Variants in PTPDC1 observed in about 807,000 individuals in gnomAD.
PTPDC1 encodes protein tyrosine phosphatase domain containing 1.
In PTPDC1, 53 loss-of-function variants were observed where a neutral mutation model predicts 75.3. The observed-to-expected ratio is 0.70, with a 90% CI of 0.56 to 0.88. The LOEUF (loss-of-function observed/expected upper bound fraction) is 0.88. PTPDC1 is among the 40% of genes least tolerant of loss of function. The probability of loss-of-function intolerance (pLI) is 0.00; values close to 1 mark genes in which losing one functional copy is unlikely to be tolerated. For missense variants in PTPDC1, 925 were observed against 998.6 expected (o/e 0.93, Z 0.99); for synonymous variants, 349 against 366.2 (o/e 0.95, Z 0.54).
upstream of PTPDC1, among the ~76,000 whole-genome samples, chr9:94,082,078 T>G (rs1425660143): frequency 6.6e-6 from 1 of 152,124 alleles, no homozygotes; most frequent in Non-Finnish European, 1.5e-5. Context: ...AAAATTTGAG[T>G]GCAGCCTAAG....
At chr9:94,105,773 C>A (rs1233882259) in intron 8 of PTPDC1, among the ~76,000 whole-genome samples, 1 of 151,572 alleles carries the variant, frequency 6.6e-6, no homozygotes, top group East Asian at 1.9e-4. Flanking sequence ...TCAAGACCAT[C>A]CTGGATAACA....
In PTPDC1 at chr9:94,084,674, C is replaced by G; in HGVS notation, c.144C>G (p.Ala48=). The change falls in exon 1 of 9, where the codon GCC becomes GCG. Residue 48 remains alanine (A), a synonymous_variant. Transcript: ENST00000620992. ...GCTCTGGCTTGGGCTCCGGCTCTGCCACGAAGCTGCTGTCCTCGTCCTCTC... is the reference window on the plus strand; with the variant it reads ...GCTCTGGCTTGGGCTCCGGCTCTGCGACGAAGCTGCTGTCCTCGTCCTCTC... ...RRGSGLGSGS[A]TKLLSSSSLQ... 6.2e-7 allele frequency: 1 copy of G among 1,613,804 alleles called. No individual in the cohort carries two copies. Among genetic ancestry groups the G allele is most frequent in the Non-Finnish European group, 8.5e-7 (1 of 1,179,856 alleles).
At chr9:94,091,129 G>A (rs1827300573) in intron 4 of PTPDC1, among the ~76,000 whole-genome samples, 1 of 151,372 alleles carries the variant, frequency 6.6e-6, no homozygotes, top group African/African-American at 2.4e-5. Context: ...TTGAATAGGA[G>A]TGGTGAGAGA....
intron 1 of PTPDC1, among the ~76,000 whole-genome samples, chr9:94,044,875 G>T (rs1222886494): frequency 6.6e-6 from 1 of 151,506 alleles, no homozygotes; most frequent in Non-Finnish European, 1.5e-5. Context: ...TAAGTTTTAG[G>T]GTACATGTGC....
chr9:94,042,068 C>A (rs1825440887), intron 1 of PTPDC1, among the ~76,000 whole-genome samples: 1 of 152,180 alleles, frequency 6.6e-6, no homozygotes, highest in African/African-American at 2.4e-5. Flanking sequence ...ACAGTTTATT[C>A]TAACCTTTCC....
intron 1 of PTPDC1, chr9:94,038,049 G>A (rs1825324969): frequency 6.0e-6 from 3 of 495,880 alleles, no homozygotes; most frequent in South Asian, 5.8e-5. Context: ...GTTGAGAAGG[G>A]CAAGAAGATT....
In PTPDC1 at chr9:94,098,712, G is replaced by A. The variant is rs1165892937; in HGVS notation, c.2013+133G>A. ...GTTTGCATAATACTTTCTAACTTCA[G>A]GTTTCTCGTCTCTGATGCGAACCTG... On this transcript the variant is annotated intron_variant, in intron 6 of 8. Transcript: ENST00000620992. The A allele has an allele frequency of 8.7e-6, 7 of 803,050 alleles. No individual in the cohort carries two copies. The Admixed American group carries it at 9.7e-5, about 11-fold the overall frequency. The allele number at this position is 803,050 out of a possible 1,614,324, so 49.7% of individuals were successfully genotyped here. A position where few individuals can be genotyped will look rare whatever the true frequency, so the allele number is the denominator to read the frequency against.
At chr9:94,033,290 T>G (rs1297354386) in intron 1 of PTPDC1, among the ~76,000 whole-genome samples, 1 of 152,214 alleles carries the variant, frequency 6.6e-6, no homozygotes, top group Non-Finnish European at 1.5e-5. Flanking sequence ...TTTATATAAG[T>G]TACTTATATA....
At chr9:94,040,427 T>C (rs1396275516) in intron 1 of PTPDC1, among the ~76,000 whole-genome samples, 2 of 152,190 alleles carry the variant, frequency 1.3e-5, no homozygotes, top group African/African-American at 4.8e-5. Flanking sequence ...GAAGCTTTTA[T>C]CCACCCTGTG....
Position 94,088,195 on chromosome 9 carries a change from G to A in PTPDC1, c.548G>A (p.Ser183Asn). The change falls in exon 4 of 9, where the codon AGC becomes AAC. Residue 183 changes from serine to asparagine, a missense_variant. Ser to Asn is a conservative substitution (Grantham distance 46). Coordinates refer to ENST00000620992, the MANE Select transcript of PTPDC1 (RefSeq NM_001253829.2). ...CTCCAGCGCCCTGGTGAGCATGCTA[G>A]CTGTGGGAACCCTCTGGAACAAGAA... is the stretch of plus-strand genomic sequence containing the variant. ...INLQRPGEHA[S>N]CGNPLEQESG... 1 of 1,613,950 alleles carries A rather than the reference G, an allele frequency of 6.2e-7. No individual in the cohort carries two copies. Among genetic ancestry groups the A allele is most frequent in the Non-Finnish European group, 8.5e-7 (1 of 1,179,960 alleles).
At chr9:94,102,739 C>T (rs377255960) in intron 7 of PTPDC1, among the ~76,000 whole-genome samples, 2 of 152,016 alleles carry the variant, frequency 1.3e-5, no homozygotes, top group African/African-American at 2.4e-5. Flanking sequence ...CCACCACGCC[C>T]GGCTAATTTT....
At chr9:94,062,537 G>C (rs999752213) in intron 1 of PTPDC1, among the ~76,000 whole-genome samples, 3 of 152,192 alleles carry the variant, frequency 2.0e-5, no homozygotes, top group African/African-American at 7.2e-5. Flanking sequence ...ATTGCCTCAT[G>C]GTTCTGCAGG....
At chr9:94,041,187 C>T (rs1469990272) in intron 1 of PTPDC1, among the ~76,000 whole-genome samples, 1 of 152,124 alleles carries the variant, frequency 6.6e-6, no homozygotes, top group Non-Finnish European at 1.5e-5. Flanking sequence ...TTCCTTTGAG[C>T]AAAAGCTCTT....
At chr9:94,049,833 C>T (rs2094928) in intron 1 of PTPDC1, among the ~76,000 whole-genome samples, 46,671 of 152,100 alleles carry the variant, frequency 0.31, 7,418 homozygotes, top group Admixed American at 0.39. Context: ...CCATTCTCCC[C>T]GTCACTTTCA....
intron 7 of PTPDC1, among the ~76,000 whole-genome samples, chr9:94,103,137 C>G: frequency 6.6e-6 from 1 of 152,334 alleles, no homozygotes; most frequent in South Asian, 2.1e-4. Context: ...CACATACACT[C>G]ACATACCACA....
intron 1 of PTPDC1, among the ~76,000 whole-genome samples, chr9:94,033,625 A>G (rs1319924674): frequency 6.6e-6 from 1 of 152,226 alleles, no homozygotes; most frequent in Non-Finnish European, 1.5e-5. Flanking sequence ...TATATGAGAC[A>G]GCATGTGTAA....
Position 94,107,903 on chromosome 9 carries a change from A to G in PTPDC1, c.2386A>G (p.Lys796Glu). ...KKIFKHTLEE[K>E]RKMTKDGPKP... The stretch of plus-strand genomic sequence containing the variant: ...AATATTTAAGCACACGCTGGAAGAA[A>G]AAAGAAAAATGACAAAAGATGGCCC... Residue 796 changes from lysine (K) to glutamate (E), a missense_variant, in exon 9 of 9, where the codon AAA (lysine) becomes GAA (glutamate). Coordinates refer to ENST00000620992, the MANE Select transcript of PTPDC1 (RefSeq NM_001253829.2). The G allele has an allele frequency of 1.2e-6, 2 of 1,609,846 alleles. No homozygotes were observed. The highest frequency in any genetic ancestry group is 1.1e-5 in the South Asian group (1 of 90,386).
chr9:94,092,607 G>C (rs575665289), intron 4 of PTPDC1, among the ~76,000 whole-genome samples: 7,708 of 151,828 alleles, frequency 0.051, 609 homozygotes, highest in African/African-American at 0.18. Flanking sequence ...GGTCTGTTTG[G>C]TGCAGAGCTG....
At chr9:94,051,405 A>T (rs1314697763) in intron 1 of PTPDC1, among the ~76,000 whole-genome samples, 2 of 152,204 alleles carry the variant, frequency 1.3e-5, no homozygotes, top group African/African-American at 4.8e-5. Context: ...GTGACTTTTT[A>T]AAAATAGTCC....
Sources: gnomAD v4.1 joint callset for allele counts (sites outside exome capture counted in the v4.1 genomes callset) on GRCh38, gnomAD v4.1.1 for gene constraint, MANE v1.5 for transcripts, NCBI Gene and HGNC (gene_info 2026-07-23, HGNC 2026-07-21) for gene names.